The following PTPRG variants were observed in gnomAD, a reference collection of about 807,000 sequenced individuals.
PTPRG encodes the protein receptor-type tyrosine-protein phosphatase gamma.
PTPRG carries 102 observed loss-of-function variants against 165.3 expected under a neutral mutation model. The ratio of observed to expected loss-of-function variants is 0.62; its 90% CI spans 0.53 to 0.73. The LOEUF (loss-of-function observed/expected upper bound fraction) is 0.73. PTPRG is among the 30% of genes least tolerant of loss of function. The pLI is 0.00. For missense variants in PTPRG, 1,866 were observed against 1,861.4 expected (o/e 1.00, Z -0.05); for synonymous variants, 675 against 669.5 (o/e 1.01, Z -0.13).
rs773177663 is a variant in PTPRG, at chr3:62,267,501, G to A, written c.2739+9G>A. ...ATGCAAACTATGTTGATGTAAGTCA[G>A]AACTGTTATTATAAACCTGTTTCTA... On this transcript the variant is annotated intron_variant, in intron 18 of 29. Transcript: ENST00000474889. 1 of 1,598,700 alleles carries A rather than the reference G, an allele frequency of 6.3e-7. No individual in the cohort carries two copies. Among genetic ancestry groups the A allele is most frequent in the South Asian group, 1.1e-5 (1 of 89,208 alleles).
intron 8 of PTPRG, among the ~76,000 whole-genome samples, chr3:62,180,446 C>T (rs1301089114): frequency 6.6e-6 from 1 of 152,198 alleles, no homozygotes; most frequent in Admixed American, 6.5e-5. Context: ...GGTTCAGACA[C>T]TCAGTTGGAG....
intron 12 of PTPRG, among the ~76,000 whole-genome samples, chr3:62,205,283 A>G (rs1266170542): frequency 6.6e-6 from 1 of 152,174 alleles, no homozygotes; most frequent in Non-Finnish European, 1.5e-5. Flanking sequence ...TGTTTCTGTA[A>G]GAACAGTGAC....
chr3:62,054,586 CTG>C (rs944627291), intron 4 of PTPRG, among the ~76,000 whole-genome samples: 20 of 152,264 alleles, frequency 1.3e-4, no homozygotes, highest in Admixed American at 1.0e-3. Context: ...CCAGAGCAGA[CTG>C]TAAGGAACAA....
intron 1 of PTPRG, among the ~76,000 whole-genome samples, chr3:61,694,262 G>T (rs761076888): frequency 7.2e-5 from 11 of 152,190 alleles, no homozygotes; most frequent in Admixed American, 5.9e-4. Flanking sequence ...AGACAGGCAA[G>T]AGGCCAGTTC....
intron 12 of PTPRG, among the ~76,000 whole-genome samples, chr3:62,215,988 C>T (rs1314545447): frequency 6.6e-6 from 1 of 152,034 alleles, no homozygotes; most frequent in African/African-American, 2.4e-5. Flanking sequence ...GAGGCCGAGG[C>T]GGGAGGATCA....
chr3:62,147,058 T>C (rs1704148950), intron 6 of PTPRG, among the ~76,000 whole-genome samples: 2 of 152,216 alleles, frequency 1.3e-5, no homozygotes. Context: ...TTACGCAGAC[T>C]GAAACCCAGG....
intron 1 of PTPRG, among the ~76,000 whole-genome samples, chr3:61,728,254 T>A (rs1412550604): frequency 6.6e-6 from 1 of 152,176 alleles, no homozygotes; most frequent in Non-Finnish European, 1.5e-5. Context: ...GGTGCTTACT[T>A]TAAAAGGATA....
intron 2 of PTPRG, among the ~76,000 whole-genome samples, chr3:61,908,749 T>C (rs1182983235): frequency 1.3e-5 from 2 of 152,166 alleles, no homozygotes; most frequent in African/African-American, 4.8e-5. Context: ...CCAATCTACA[T>C]AAAAATGAAT....
chr3:61,772,573 C>T (rs1345653113), intron 2 of PTPRG, among the ~76,000 whole-genome samples: 1 of 152,044 alleles, frequency 6.6e-6, no homozygotes, highest in Non-Finnish European at 1.5e-5. Flanking sequence ...TACATACACT[C>T]TTTTCTTTTT....
intron 2 of PTPRG, among the ~76,000 whole-genome samples, chr3:61,788,058 TC>T (rs1169756559): frequency 6.6e-6 from 1 of 152,176 alleles, no homozygotes; most frequent in Non-Finnish European, 1.5e-5. Flanking sequence ...TTAGAGAGGC[TC>T]CTGCTGCTTG....
At chr3:61,688,915 G>A (rs1010761147) in intron 1 of PTPRG, among the ~76,000 whole-genome samples, 2 of 152,174 alleles carry the variant, frequency 1.3e-5, no homozygotes, top group African/African-American at 4.8e-5. Flanking sequence ...GCTTCTCAAT[G>A]CATCAGGGAA....
chr3:61,940,128 G>A (rs962178563), intron 2 of PTPRG, among the ~76,000 whole-genome samples: 2 of 151,578 alleles, frequency 1.3e-5, no homozygotes, highest in Admixed American at 1.3e-4. Flanking sequence ...TGTATTTTTA[G>A]TAGAGACAGG....
At chr3:61,705,480 C>T (rs2031198124) in intron 1 of PTPRG, among the ~76,000 whole-genome samples, 2 of 151,958 alleles carry the variant, frequency 1.3e-5, no homozygotes, top group South Asian at 4.2e-4. Flanking sequence ...AGCTAAATAA[C>T]TTTTAAGTTT....
chr3:61,611,353 T>C (rs941741961), intron 1 of PTPRG, among the ~76,000 whole-genome samples: 2 of 151,924 alleles, frequency 1.3e-5, no homozygotes, highest in African/African-American at 4.8e-5. Context: ...GTACACAAAG[T>C]GACAAGCACA....
chr3:61,998,721 A>G (rs1351369193), intron 3 of PTPRG, among the ~76,000 whole-genome samples: 1 of 152,212 alleles, frequency 6.6e-6, no homozygotes, highest in East Asian at 1.9e-4. Context: ...TGAAGCTTCC[A>G]GCTTCTTCTA....
chr3:61,805,883 C>T (rs1481750075), intron 2 of PTPRG, among the ~76,000 whole-genome samples: 1 of 152,144 alleles, frequency 6.6e-6, no homozygotes, highest in African/African-American at 2.4e-5. Context: ...GATGGATTTA[C>T]AAATCTTGGA....
chr3:62,133,099 G>T (rs1703576546), intron 6 of PTPRG, among the ~76,000 whole-genome samples: 1 of 152,214 alleles, frequency 6.6e-6, no homozygotes, highest in Non-Finnish European at 1.5e-5. Context: ...CAAGCGTCAT[G>T]CAGCTACTAG....
At chr3:61,907,762 G>T (rs543713603) in intron 2 of PTPRG, among the ~76,000 whole-genome samples, 17 of 152,222 alleles carry the variant, frequency 1.1e-4, no homozygotes, top group African/African-American at 3.4e-4. Context: ...TTGTGGTAAA[G>T]CTAAGGAGCC....
At chr3:61,939,169 G>C (rs950287509) in intron 2 of PTPRG, among the ~76,000 whole-genome samples, 1 of 152,166 alleles carries the variant, frequency 6.6e-6, no homozygotes, top group Admixed American at 6.5e-5. Flanking sequence ...TTTAGGAGCA[G>C]TTTTTGCACA....
Sources: allele counts gnomAD v4.1 joint callset (sites outside exome capture counted in the v4.1 genomes callset), GRCh38; gene constraint gnomAD v4.1.1; transcripts MANE v1.5; gene names NCBI Gene and HGNC (gene_info 2026-07-23, HGNC 2026-07-21).